The following USP47 variants were observed in gnomAD, a reference collection of about 807,000 sequenced individuals.
The protein encoded by USP47 is ubiquitin specific peptidase 47.
USP47 carries 35 observed loss-of-function variants against 165.1 expected under a neutral mutation model. The ratio of observed to expected loss-of-function variants is 0.21; its 90% CI spans 0.16 to 0.28. The LOEUF (loss-of-function observed/expected upper bound fraction) is 0.28, where lower values mean the gene tolerates loss of function less well. USP47 is among the 10% of genes least tolerant of loss of function. The pLI, the probability that USP47 is intolerant of heterozygous loss-of-function variation, is 1.00. For missense variants in USP47, 1,277 were observed against 1,607.4 expected (o/e 0.79, Z 3.52); for synonymous variants, 531 against 544.5 (o/e 0.98, Z 0.35).
intron 20 of USP47, among the ~76,000 whole-genome samples, chr11:11,944,814 T>A (rs532609969): frequency 1.2e-3 from 184 of 152,330 alleles, no homozygotes; most frequent in Non-Finnish European, 2.3e-3. Context: ...TTAAAAGTAG[T>A]TCCTCTTTAG....
intron 1 of USP47, among the ~76,000 whole-genome samples, chr11:11,844,987 A>G (rs1309597482): frequency 1.3e-5 from 2 of 152,198 alleles, no homozygotes; most frequent in East Asian, 3.8e-4. Flanking sequence ...CCTGTGAGTT[A>G]AGAATGAGTT....
At chr11:11,843,367 A>G (rs943594369) in intron 1 of USP47, among the ~76,000 whole-genome samples, 3 of 152,222 alleles carry the variant, frequency 2.0e-5, no homozygotes, top group African/African-American at 7.2e-5. Context: ...TGTAAAAGGC[A>G]GAGAGTTATG....
At chr11:11,937,443 A>G (rs950695168) in intron 17 of USP47, among the ~76,000 whole-genome samples, 1 of 151,694 alleles carries the variant, frequency 6.6e-6, no homozygotes, top group African/African-American at 2.4e-5. Flanking sequence ...AGTAGGTTAG[A>G]TGTAGTATTC....
chr11:11,904,806 CCATA>C (rs1303813715), intron 7 of USP47, among the ~76,000 whole-genome samples: 2 of 151,896 alleles, frequency 1.3e-5, no homozygotes, highest in African/African-American at 4.8e-5. Flanking sequence ...TTTTGAATTT[CCATA>C]CATTTTAAAA....
chr11:11,952,783 C>T lies in USP47; in HGVS notation c.3626C>T (p.Ser1209Leu). The change falls in exon 25 of 28, where the codon TCA (serine) becomes TTA (leucine). Residue 1209 changes from serine (S) to leucine (L), a missense_variant. Physicochemically the swap from Ser to Leu is moderately radical, Grantham distance 145. Coordinates refer to ENST00000527733, the MANE Select transcript of USP47 (RefSeq NM_001282659.2). ...TCCATGTCACAGCTTGCAGTTTTGT[C>T]AAGACGGTGGAAGCCTTCAGAGATG... The part of the protein sequence containing the change: ...MKSMSQLAVL[S>L]RRWKPSEMKL... 1 of 1,612,768 alleles carries T rather than the reference C, an allele frequency of 6.2e-7. No individual in the cohort carries two copies. Among genetic ancestry groups the T allele is most frequent in the Non-Finnish European group, 8.5e-7 (1 of 1,179,266 alleles).
At chr11:11,889,532 T>A (rs905738157) in intron 3 of USP47, among the ~76,000 whole-genome samples, 29 of 151,756 alleles carry the variant, frequency 1.9e-4, no homozygotes, top group African/African-American at 6.3e-4. Context: ...AGGAGAACTA[T>A]AAACTGCTGA....
intron 3 of USP47, among the ~76,000 whole-genome samples, chr11:11,886,233 G>A (rs577333728): frequency 6.6e-6 from 1 of 152,246 alleles, no homozygotes; most frequent in South Asian, 2.1e-4. Context: ...GCACAGAACT[G>A]GGCTGAGGCT....
intron 1 of USP47, chr11:11,873,853 T>C: frequency 6.7e-7 from 1 of 1,487,754 alleles, no homozygotes; most frequent in Non-Finnish European, 8.9e-7. Context: ...AGAAGAAATT[T>C]TTACAGGTAG....
At position 11,922,725 on chromosome 11, in the gene USP47, A is replaced by T. The variant is rs1297469133; in HGVS notation, c.1220A>T (p.Lys407Ile). The change falls in exon 11 of 28, where the codon AAA becomes ATA. Residue 407 changes from lysine to isoleucine, a missense_variant and splice_region_variant. By Grantham distance (102) the Lys-to-Ile change is moderately radical. This residue lies in a region of USP47 where 175 missense variants were observed against 295.8 expected (regional missense o/e 0.59). Transcript: ENST00000527733. The part of the protein sequence containing the change: ...MSTFIDVEDE[K>I]SPQTESCTDS... Reference sequence around the variant, plus strand: ...CTAAGATAATTATGTCTTATTAAGAAATCTCCTCAGACTGAAAGTTGCACT... The same window carrying T: ...CTAAGATAATTATGTCTTATTAAGATATCTCCTCAGACTGAAAGTTGCACT... 2 of 1,607,398 alleles carry T rather than the reference A, an allele frequency of 1.2e-6. No homozygotes were observed. The highest frequency in any genetic ancestry group is 1.7e-6 in the Non-Finnish European group (2 of 1,176,162).
chr11:11,917,332 A>AT (rs2134569797), intron 8 of USP47, among the ~76,000 whole-genome samples: 1 of 152,278 alleles, frequency 6.6e-6, no homozygotes, highest in Non-Finnish European at 1.5e-5. Flanking sequence ...CTCATTGGGT[A>AT]TTATATCCAT....
chr11:11,881,923 C>T (rs1850858536), intron 2 of USP47, among the ~76,000 whole-genome samples: 1 of 152,060 alleles, frequency 6.6e-6, no homozygotes, highest in Non-Finnish European at 1.5e-5. Flanking sequence ...CATAAACACT[C>T]AGAACATAGC....
intron 4 of USP47, among the ~76,000 whole-genome samples, chr11:11,897,378 A>G (rs542149436): frequency 6.6e-6 from 1 of 152,182 alleles, no homozygotes; most frequent in South Asian, 2.1e-4. Flanking sequence ...GGACATATCT[A>G]TAACAAGGTA....
chr11:11,926,488 T>C (rs544662585), intron 11 of USP47, among the ~76,000 whole-genome samples: 33 of 152,148 alleles, frequency 2.2e-4, no homozygotes, highest in Non-Finnish European at 3.2e-4. Context: ...CAGTCTCTTA[T>C]GATCCTTTTT....
chr11:11,882,635 A>G (rs900014189), intron 2 of USP47, among the ~76,000 whole-genome samples: 16 of 152,230 alleles, frequency 1.1e-4, no homozygotes, highest in African/African-American at 3.4e-4. Flanking sequence ...ATATAATATC[A>G]TCTTTTACCC....
intron 1 of USP47, among the ~76,000 whole-genome samples, chr11:11,865,349 GT>G (rs1321007640): frequency 6.6e-6 from 1 of 151,990 alleles, no homozygotes; most frequent in African/African-American, 2.4e-5. Flanking sequence ...TTTAGGGTCT[GT>G]TTTTTCTTTA....
chr11:11,860,218 CGGCTCACCA>C (rs1469183920), intron 1 of USP47, among the ~76,000 whole-genome samples: 4 of 151,714 alleles, frequency 2.6e-5, no homozygotes, highest in Non-Finnish European at 4.4e-5. Context: ...GGCGCGATCT[CGGCTCACCA>C]CAACCTCTGC....
intron 1 of USP47, among the ~76,000 whole-genome samples, chr11:11,846,151 C>T (rs557340283): frequency 2.6e-5 from 4 of 152,170 alleles, no homozygotes; most frequent in South Asian, 4.2e-4. Context: ...TTCATTCTGC[C>T]GTATGTCTTT....
chr11:11,859,752 G>A (rs1050182781), intron 1 of USP47, among the ~76,000 whole-genome samples: 1 of 152,010 alleles, frequency 6.6e-6, no homozygotes, highest in African/African-American at 2.4e-5. Flanking sequence ...ACTTATTTTT[G>A]TATGGTATTA....
At chr11:11,896,002 A>G (rs1851821326) in intron 4 of USP47, among the ~76,000 whole-genome samples, 2 of 152,340 alleles carry the variant, frequency 1.3e-5, no homozygotes, top group South Asian at 4.1e-4. Flanking sequence ...TGATTTAGAC[A>G]ATGCATAATG....
Sources: allele counts gnomAD v4.1 joint callset (sites outside exome capture counted in the v4.1 genomes callset), GRCh38; gene constraint gnomAD v4.1.1; regional missense constraint gnomAD v4.1.1; transcripts MANE v1.5; gene names NCBI Gene and HGNC (gene_info 2026-07-23, HGNC 2026-07-21).